VEPH1: variants seen among roughly 807,000 people sequenced by gnomAD.
The protein encoded by VEPH1 is ventricular zone-expressed PH domain-containing protein homolog 1.
A neutral mutation model predicts 85.2 loss-of-function variants in VEPH1; 80 were observed. The observed-to-expected ratio is 0.94, with a 90% CI of 0.78 to 1.13. The LOEUF is 1.13. VEPH1 is among the 50% of genes most tolerant of loss of function. The probability of loss-of-function intolerance (pLI) is 0.00; values close to 1 mark genes in which losing one functional copy is unlikely to be tolerated. For synonymous variants in VEPH1, 297 were observed against 348.0 expected (o/e 0.85, Z 1.63); for missense variants, 955 against 980.5 (o/e 0.97, Z 0.35).
chr3:157,363,192 C>T (rs1403107559), intron 9 of VEPH1, 172 bp downstream of exon 9: 4 of 565,694 alleles, frequency 7.1e-6, no homozygotes, highest in Middle Eastern at 9.8e-4. Flanking sequence ...GATGATCAAC[C>T]TTTTCTTGGG....
At chr3:157,502,570 C>T (rs1442279716) in intron 1 of VEPH1, among the ~76,000 whole-genome samples, 1 of 152,124 alleles carries the variant, frequency 6.6e-6, no homozygotes, top group Non-Finnish European at 1.5e-5. Context: ...ATGGAAAACT[C>T]AATGTTAAAT....
chr3:157,262,730 G>A (rs1192421682), intron 13 of VEPH1, among the ~76,000 whole-genome samples: 1 of 152,116 alleles, frequency 6.6e-6, no homozygotes, highest in African/African-American at 2.4e-5. Flanking sequence ...CCGGGCAAAT[G>A]TTTAAACTTA....
intron 5 of VEPH1, among the ~76,000 whole-genome samples, chr3:157,420,529 T>C (rs147846493): frequency 2.6e-5 from 4 of 152,322 alleles, no homozygotes; most frequent in East Asian, 1.9e-4. Context: ...ATTCCTACCA[T>C]ACTGAAAAAT....
At chr3:157,436,919 T>C (rs759359298) in intron 4 of VEPH1, 2 of 1,611,054 alleles carry the variant, frequency 1.2e-6, no homozygotes, top group Non-Finnish European at 1.7e-6. Flanking sequence ...GAAAGAACTT[T>C]GCGTCTCTCC....
intron 5 of VEPH1, among the ~76,000 whole-genome samples, chr3:157,423,341 A>G (rs1331914933): frequency 6.6e-6 from 1 of 152,188 alleles, no homozygotes; most frequent in Non-Finnish European, 1.5e-5. Flanking sequence ...TTGCTCCTCA[A>G]AATGTTGTCC....
chr3:157,463,729 T>G (rs985750475), intron 3 of VEPH1, among the ~76,000 whole-genome samples: 3 of 152,200 alleles, frequency 2.0e-5, no homozygotes, highest in Non-Finnish European at 4.4e-5. Flanking sequence ...TAACCAGGCA[T>G]GCCAGTGCAC....
At chr3:157,482,543 G>A (rs1266349692) in intron 2 of VEPH1, among the ~76,000 whole-genome samples, 2 of 152,074 alleles carry the variant, frequency 1.3e-5, no homozygotes, top group Non-Finnish European at 1.5e-5. Context: ...AGTTTGATAG[G>A]AATTGTGTTG....
At chr3:157,439,482 A>G (rs1432449817) in intron 4 of VEPH1, among the ~76,000 whole-genome samples, 17 of 152,234 alleles carry the variant, frequency 1.1e-4, no homozygotes, top group Non-Finnish European at 1.5e-5. Flanking sequence ...CCTATTAGTT[A>G]AAAGCCATTT....
chr3:157,411,885 T>C (rs756711026), intron 6 of VEPH1, among the ~76,000 whole-genome samples: 9 of 152,300 alleles, frequency 5.9e-5, no homozygotes, highest in Middle Eastern at 3.4e-3. Context: ...GCCTTTGATA[T>C]GGTTTGGATC....
At chr3:157,326,755 G>A (rs887863192) in intron 9 of VEPH1, among the ~76,000 whole-genome samples, 20 of 152,186 alleles carry the variant, frequency 1.3e-4, no homozygotes. Flanking sequence ...AGAAGGAGAA[G>A]TATATTAGAT....
chr3:157,428,237 A>G (rs1732890776), intron 5 of VEPH1, 85 bp downstream of exon 5: 2 of 1,408,892 alleles, frequency 1.4e-6, no homozygotes, highest in East Asian at 2.4e-5. Flanking sequence ...TGTATGAGAC[A>G]GGAAATCCTA....
At chr3:157,358,305 G>C (rs1248225332) in intron 9 of VEPH1, among the ~76,000 whole-genome samples, 2 of 152,146 alleles carry the variant, frequency 1.3e-5, no homozygotes, top group African/African-American at 2.4e-5. Flanking sequence ...TGCTAGAAAA[G>C]TATTCCCTAG....
chr3:157,489,175 G>A (rs1491000791), intron 2 of VEPH1: 1 of 456,402 alleles, frequency 2.2e-6, no homozygotes, highest in East Asian at 7.0e-5. Flanking sequence ...TCCCAAAACA[G>A]GAATAGAAAA....
intron 9 of VEPH1, among the ~76,000 whole-genome samples, chr3:157,325,820 T>C (rs1456492785): frequency 1.3e-5 from 2 of 152,220 alleles, no homozygotes; most frequent in Non-Finnish European, 2.9e-5. Context: ...TTCAGGCTCT[T>C]CTTTGGTTCC....
chr3:157,460,109 C>T, intron 4 of VEPH1, 72 bp downstream of exon 4: 1 of 1,613,334 alleles, frequency 6.2e-7, no homozygotes, highest in African/African-American at 1.3e-5. Context: ...TCCCACAAAC[C>T]ATAAATGCTT....
intron 9 of VEPH1, 112 bp downstream of exon 9, chr3:157,363,252 C>T: frequency 1.0e-6 from 1 of 995,066 alleles, no homozygotes; most frequent in Non-Finnish European, 1.4e-6. Context: ...AAAAAATGAT[C>T]TATTTTGCAA....
intron 4 of VEPH1, among the ~76,000 whole-genome samples, chr3:157,438,506 G>GT (rs1021350307): frequency 6.6e-6 from 1 of 152,160 alleles, no homozygotes; most frequent in African/African-American, 2.4e-5. Flanking sequence ...TTCTTCAGGG[G>GT]TCCCCCAGCC....
At chr3:157,370,853 T>C (rs2108810652) in intron 7 of VEPH1, among the ~76,000 whole-genome samples, 1 of 152,334 alleles carries the variant, frequency 6.6e-6, no homozygotes, top group East Asian at 1.9e-4. Context: ...GGGAAAAGCT[T>C]AGGTTCATAA....
intron 9 of VEPH1, among the ~76,000 whole-genome samples, chr3:157,327,855 C>A (rs1029027300): frequency 6.6e-6 from 1 of 152,180 alleles, no homozygotes; most frequent in Non-Finnish European, 1.5e-5. Flanking sequence ...GCCTTGGATG[C>A]TCTCACAAGC....
Sources: allele counts gnomAD v4.1 joint callset (sites outside exome capture counted in the v4.1 genomes callset), GRCh38; gene constraint gnomAD v4.1.1; transcripts MANE v1.5; gene names NCBI Gene and HGNC (gene_info 2026-07-23, HGNC 2026-07-21).